DHDDS: variants seen among roughly 807,000 people sequenced by gnomAD.
DHDDS encodes dehydrodolichyl diphosphate synthase subunit.
DHDDS carries 16 observed loss-of-function variants against 46.2 expected under a neutral mutation model. The observed-to-expected ratio is 0.35, with a 90% CI of 0.23 to 0.53. The LOEUF is 0.53. Ranked by LOEUF, DHDDS falls within the 20% of genes least tolerant of loss-of-function variation. DHDDS has a pLI of 0.94. For missense variants in DHDDS, 340 were observed against 423.7 expected (o/e 0.80, Z 1.73); for synonymous variants, 151 against 163.1 (o/e 0.93, Z 0.56).
chr1:26,433,026 G>A lies in DHDDS; in HGVS notation c.63+18G>A, dbSNP rs755907714. 5.6e-6 allele frequency: 9 copies of A among 1,614,118 alleles called. No individual in the cohort carries two copies. In the South Asian group the frequency reaches 6.6e-5, roughly 12 times the overall value. ...TCATAAAGGTGAGCAATGGCCCAGA[G>A]CACCGGTTGGCCTTCTGGTCAGTTG... On this transcript the variant is annotated intron_variant, in intron 2 of 8. Coordinates refer to ENST00000236342, the MANE Select transcript of DHDDS (RefSeq NM_205861.3).
intron 1 of DHDDS, 58 bp from the exon 2 acceptor site, chr1:26,432,833 C>A: frequency 2.8e-6 from 3 of 1,064,918 alleles, no homozygotes; most frequent in South Asian, 1.3e-5. Flanking sequence ...CCCCAGAAGT[C>A]AGTTATAGCT....
intron 2 of DHDDS, among the ~76,000 whole-genome samples, chr1:26,436,836 G>A (rs1374823529): frequency 6.6e-6 from 1 of 152,128 alleles, no homozygotes; most frequent in East Asian, 1.9e-4. Flanking sequence ...AACTCTGGAA[G>A]CAGATGGACA....
At chr1:26,434,082 A>G (rs1441892095) in intron 2 of DHDDS, among the ~76,000 whole-genome samples, 1 of 152,214 alleles carries the variant, frequency 6.6e-6, no homozygotes, top group Admixed American at 6.5e-5. Context: ...TAACAACTGT[A>G]GAATTATCAT....
At chr1:26,456,952 T>A (rs919167542) in intron 6 of DHDDS, among the ~76,000 whole-genome samples, 1 of 152,212 alleles carries the variant, frequency 6.6e-6, no homozygotes, top group Non-Finnish European at 1.5e-5. Context: ...GCATTTAGAT[T>A]TATCTTTATT....
chr1:26,465,686 T>C (rs1214055622), intron 8 of DHDDS, among the ~76,000 whole-genome samples: 1 of 152,188 alleles, frequency 6.6e-6, no homozygotes, highest in African/African-American at 2.4e-5. Flanking sequence ...CCAAGAATGG[T>C]GGCCAATATT....
intron 4 of DHDDS, among the ~76,000 whole-genome samples, chr1:26,445,066 G>A (rs143672163): frequency 1.8e-4 from 20 of 110,510 alleles, no homozygotes; most frequent in African/African-American, 6.6e-4. Context: ...GACTCCCTAC[G>A]TGCAAATCCT....
chr1:26,458,759 AAAG>A (rs2075395937), intron 7 of DHDDS, among the ~76,000 whole-genome samples: 1 of 151,658 alleles, frequency 6.6e-6, no homozygotes, highest in Admixed American at 6.6e-5. Context: ...AAAAAAAAGA[AAAG>A]AAATAAGTAC....
chr1:26,459,880 G>C (rs1007052903), intron 7 of DHDDS, among the ~76,000 whole-genome samples, 157 bp from the exon 8 acceptor site: 1 of 152,108 alleles, frequency 6.6e-6, no homozygotes, highest in South Asian at 2.1e-4. Context: ...AATGAATCAG[G>C]GCCAGCAGCA....
At chr1:26,453,608 C>T (rs2075342035) in intron 6 of DHDDS, among the ~76,000 whole-genome samples, 1 of 151,914 alleles carries the variant, frequency 6.6e-6, no homozygotes, top group Admixed American at 6.6e-5. Context: ...ACAAAAATTA[C>T]CTGAGTGTGG....
chr1:26,466,598 A>G (rs1007110591), intron 8 of DHDDS, among the ~76,000 whole-genome samples: 3 of 152,244 alleles, frequency 2.0e-5, no homozygotes, highest in African/African-American at 7.2e-5. Context: ...GACAGGGGCC[A>G]GGCTCTGCCT....
chr1:26,455,521 C>A (rs1010404709), intron 6 of DHDDS, among the ~76,000 whole-genome samples: 16 of 152,062 alleles, frequency 1.1e-4, no homozygotes, highest in Admixed American at 8.5e-4. Flanking sequence ...CCGAGGCAGG[C>A]AGATCACTTG....
intron 6 of DHDDS, among the ~76,000 whole-genome samples, chr1:26,456,296 T>C (rs539647059): frequency 6.6e-6 from 1 of 152,246 alleles, no homozygotes; most frequent in East Asian, 1.9e-4. Flanking sequence ...TGCTTGAGCA[T>C]GGAAGGTGGA....
At chr1:26,433,694 A>G (rs1313818747) in intron 2 of DHDDS, among the ~76,000 whole-genome samples, 1 of 144,804 alleles carries the variant, frequency 6.9e-6, no homozygotes, top group Non-Finnish European at 1.5e-5. Context: ...AAAAAAAAAA[A>G]GAGTTTGGGC....
chr1:26,456,242 C>T (rs2075369042), intron 6 of DHDDS, among the ~76,000 whole-genome samples: 1 of 152,092 alleles, frequency 6.6e-6, no homozygotes, highest in South Asian at 2.1e-4. Context: ...CATGGTGTTG[C>T]ACACCTGTGG....
chr1:26,468,230 G>A (rs529185619), intron 8 of DHDDS, among the ~76,000 whole-genome samples: 43 of 152,202 alleles, frequency 2.8e-4, no homozygotes, highest in Non-Finnish European at 4.7e-4. Flanking sequence ...ATGTTCATAG[G>A]GGGGTCATTT....
At chr1:26,461,665 A>AT (rs2075423700) in intron 8 of DHDDS, among the ~76,000 whole-genome samples, 1 of 152,218 alleles carries the variant, frequency 6.6e-6, no homozygotes, top group Non-Finnish European at 1.5e-5. Context: ...GATTACAGGC[A>AT]TGAGCCACCA....
rs2124502409 is a variant in DHDDS at position 26,460,219 on chromosome 1, C to G, written c.765+75C>G. 3 of 1,165,384 alleles carry G rather than the reference C, an allele frequency of 2.6e-6. No individual in the cohort carries two copies. The East Asian group carries it at 7.1e-5, about 27-fold the overall frequency. The allele number at this position is 1,165,384 out of a possible 1,614,324, so 72.2% of individuals were successfully genotyped here. A position where few individuals can be genotyped will look rare whatever the true frequency, so the allele number is the denominator to read the frequency against. On this transcript the variant is annotated intron_variant, in intron 8 of 8. Coordinates refer to ENST00000236342, the MANE Select transcript of DHDDS (RefSeq NM_205861.3). The stretch of plus-strand genomic sequence containing the variant: ...TTAGCATTGATTGACAACCACCTTA[C>G]TATATACCAGGCACTTCCTAATAAG...
rs1020557362 is a variant in DHDDS, at chr1:26,470,122, T to C, written c.*991T>C. The C allele has an allele frequency of 2.6e-5, 4 of 152,224 alleles. No individual in the cohort carries two copies. Among genetic ancestry groups the C allele is most frequent in the African/African-American group, 9.7e-5 (4 of 41,438 alleles). 9.4% of individuals were successfully genotyped at this position (152,224 alleles called of 1,614,324 possible). On this transcript the variant is annotated 3_prime_UTR_variant, in exon 9 of 9. Transcript: ENST00000236342. ...ATGGCAAAGCTTGTTCTAGGTCCTCTGCTTGTGAGGGTCAAAGCTGTGTCC... is the reference window on the plus strand; with the variant it reads ...ATGGCAAAGCTTGTTCTAGGTCCTCCGCTTGTGAGGGTCAAAGCTGTGTCC...
intron 4 of DHDDS, among the ~76,000 whole-genome samples, chr1:26,444,528 C>T (rs2075250317): frequency 6.6e-6 from 1 of 152,044 alleles, no homozygotes; most frequent in Admixed American, 6.6e-5. Context: ...TGCTTGAGTC[C>T]AGGAATTTGC....
Sources: gnomAD v4.1 joint callset for allele counts (sites outside exome capture counted in the v4.1 genomes callset) on GRCh38, gnomAD v4.1.1 for gene constraint, MANE v1.5 for transcripts, NCBI Gene and HGNC (gene_info 2026-07-23, HGNC 2026-07-21) for gene names.